Variants in ST6GALNAC1 observed in about 807,000 individuals in gnomAD.
ST6GALNAC1 encodes the protein ST6 N-acetylgalactosaminide alpha-2,6-sialyltransferase 1.
A neutral mutation model predicts 56.8 loss-of-function variants in ST6GALNAC1; 45 were observed. The observed-to-expected ratio is 0.79, with a 90% CI of 0.62 to 1.02. The LOEUF (loss-of-function observed/expected upper bound fraction) is 1.02. ST6GALNAC1 is among the 50% of genes least tolerant of loss of function. The pLI is 0.00. For synonymous variants in ST6GALNAC1, 295 were observed against 297.8 expected (o/e 0.99, Z 0.10); for missense variants, 743 against 754.8 (o/e 0.98, Z 0.18).
intron 1 of ST6GALNAC1, 83 bp from the exon 2 acceptor site, chr17:76,629,794 T>TG: frequency 8.7e-7 from 1 of 1,150,182 alleles, no homozygotes. Context: ...TTTTTTTTTT[T>TG]TTTTTTGAGA....
intron 1 of ST6GALNAC1, among the ~76,000 whole-genome samples, chr17:76,630,633 T>G (rs2075879734): frequency 6.6e-6 from 1 of 150,734 alleles, no homozygotes; most frequent in East Asian, 1.9e-4. Context: ...TCACCCAAGC[T>G]GGAGTGCAGT....
downstream of ST6GALNAC1, among the ~76,000 whole-genome samples, chr17:76,622,370 A>T (rs1170774440): frequency 6.6e-6 from 1 of 151,028 alleles, no homozygotes; most frequent in African/African-American, 2.4e-5. Flanking sequence ...TTTTATTATT[A>T]TTATTATTAT....
downstream of ST6GALNAC1, among the ~76,000 whole-genome samples, chr17:76,620,499 CT>C (rs1355693052): frequency 6.6e-6 from 1 of 152,110 alleles, no homozygotes; most frequent in Admixed American, 6.6e-5. Context: ...TATTCAATCT[CT>C]TATCCCTTCC....
At chr17:76,630,610 G>A (rs1318510312) in intron 1 of ST6GALNAC1, among the ~76,000 whole-genome samples, 1 of 148,826 alleles carries the variant, frequency 6.7e-6, no homozygotes, top group African/African-American at 2.5e-5. Context: ...TTTTGAGACG[G>A]AGTCTGGCTC....
rs1443530374 is a variant in ST6GALNAC1, at chr17:76,627,254, G to T, written c.1001-16C>A. On this transcript the variant is annotated splice_polypyrimidine_tract_variant and intron_variant, in intron 3 of 8. Coordinates refer to ENST00000156626, the MANE Select transcript of ST6GALNAC1 (RefSeq NM_018414.5). The surrounding 1 kb of genome is among the most constrained non-coding windows in gnomAD (Gnocchi z 4.4). ...TTCTGCACCACTGGAACAAGAGTGG[G>T]GGTGCTCCATTCAGAGCCCTGGGAG... 1 of 1,553,644 alleles carries T rather than the reference G, an allele frequency of 6.4e-7. No homozygotes were observed. Among genetic ancestry groups the T allele is most frequent in the South Asian group, 1.2e-5 (1 of 81,246 alleles).
intron 1 of ST6GALNAC1, among the ~76,000 whole-genome samples, chr17:76,634,496 A>G (rs76486886): frequency 3.5e-4 from 53 of 152,032 alleles, no homozygotes; most frequent in Non-Finnish European, 6.5e-4. Flanking sequence ...GGGCTATTCC[A>G]GCCTCCTTTT....
downstream of ST6GALNAC1, among the ~76,000 whole-genome samples, chr17:76,623,478 T>G (rs1002239399): frequency 6.6e-6 from 1 of 152,226 alleles, no homozygotes; most frequent in Non-Finnish European, 1.5e-5. Flanking sequence ...GAGTCATCTT[T>G]TCCAAGAACA....
chr17:76,621,054 G>A (rs1242115005), downstream of ST6GALNAC1, among the ~76,000 whole-genome samples: 5 of 152,082 alleles, frequency 3.3e-5, no homozygotes, highest in Non-Finnish European at 4.4e-5. Context: ...GCCAAGTCTT[G>A]GTCAATCTTA....
chr17:76,643,735 T>C lies in ST6GALNAC1; in HGVS notation c.-97A>G. 2 of 1,269,326 alleles carry C rather than the reference T, an allele frequency of 1.6e-6. No homozygotes were observed. Among genetic ancestry groups the C allele is most frequent in the East Asian group, 2.4e-5 (1 of 41,606 alleles). The allele number at this position is 1,269,326 out of a possible 1,614,324, so 78.6% of individuals were successfully genotyped here. A position where few individuals can be genotyped will look rare whatever the true frequency, so the allele number is the denominator to read the frequency against. ...CCGCTCAGGTTTCCTGGCCAGGAAG[T>C]GCACACCCTTTGTCTTAACAATGAG... On this transcript the variant is annotated 5_prime_UTR_variant, in exon 1 of 9. Coordinates refer to ENST00000156626, the MANE Select transcript of ST6GALNAC1 (RefSeq NM_018414.5).
rs565424318 is a variant in ST6GALNAC1, at chr17:76,638,740, C to T, written c.131+4768G>A. On this transcript the variant is annotated intron_variant, in intron 1 of 8. Coordinates refer to ENST00000156626, the MANE Select transcript of ST6GALNAC1 (RefSeq NM_018414.5). ...GGAATTACAGGCACCGGACCATGCC[C>T]GGCTAATTTTTGTATTTTTTAGGAG... 5.9e-5 allele frequency among the ~76,000 whole-genome samples: 9 copies of T among 152,134 alleles called. No individual in the cohort carries two copies. In the East Asian group the frequency reaches 7.7e-4, roughly 13 times the overall value.
At chr17:76,628,045 C>T (rs1025410974) in intron 2 of ST6GALNAC1, among the ~76,000 whole-genome samples, 7 of 148,630 alleles carry the variant, frequency 4.7e-5, no homozygotes, top group Non-Finnish European at 8.9e-5. Context: ...TGCAGTGAGC[C>T]GAGATTGCGC....
the ST6GALNAC1 span, among the ~76,000 whole-genome samples, chr17:76,619,750 T>G: frequency 6.8e-3 from 999 of 147,080 alleles, 23 homozygotes; most frequent in African/African-American, 0.024. Context: ...GTTTTTTTTT[T>G]TTTTTTTTTT....
At chr17:76,617,535 A>T in the ST6GALNAC1 span, among the ~76,000 whole-genome samples, 1 of 152,148 alleles carries the variant, frequency 6.6e-6, no homozygotes, top group African/African-American at 2.4e-5. Flanking sequence ...GGAAGGATGG[A>T]ATGGGGGTAA....
At chr17:76,639,672 CACACACACACACA>C (rs1342887463) in intron 1 of ST6GALNAC1, among the ~76,000 whole-genome samples, 8 of 149,872 alleles carry the variant, frequency 5.3e-5, no homozygotes, top group African/African-American at 1.5e-4. Flanking sequence ...CACACACACA[CACACACACACACA>C]CACACACACA....
In ST6GALNAC1 at chr17:76,627,141, G is replaced by A. The variant is rs775790966; in HGVS notation, c.1098C>T (p.Ala366=). ...PAGSLRCITC[A]VVGNGGILNN... ...TCAGGATGCCCCCGTTGCCCACCAC[G>A]GCACAGGTGATGCACCGGAGGCTCC... The change falls in exon 4 of 9, where the codon GCC becomes GCT. Residue 366 remains alanine (A), a synonymous_variant. Coordinates refer to ENST00000156626, the MANE Select transcript of ST6GALNAC1 (RefSeq NM_018414.5). The surrounding 1 kb of genome is among the most constrained non-coding windows in gnomAD (Gnocchi z 4.4). The A allele has an allele frequency of 4.0e-5, 65 of 1,606,208 alleles. 1 individual carries two copies. The highest frequency in any genetic ancestry group is 5.6e-5 in the South Asian group (5 of 89,942).
At chr17:76,636,819 C>T (rs373210510) in intron 1 of ST6GALNAC1, among the ~76,000 whole-genome samples, 1,967 of 152,026 alleles carry the variant, frequency 0.013, 40 homozygotes, top group African/African-American at 0.042. Flanking sequence ...GCGGTTTTGT[C>T]GAATAGAAAA....
At chr17:76,635,606 C>T (rs1053495327) in intron 1 of ST6GALNAC1, among the ~76,000 whole-genome samples, 2 of 152,210 alleles carry the variant, frequency 1.3e-5, no homozygotes, top group Non-Finnish European at 2.9e-5. Context: ...CACTGCACTC[C>T]AGTCTGGGCA....
chr17:76,643,274 A>G (rs116394829), intron 1 of ST6GALNAC1, among the ~76,000 whole-genome samples: 4,181 of 152,342 alleles, frequency 0.027, 193 homozygotes, highest in African/African-American at 0.095. Context: ...CGTGTCCCAC[A>G]GTATCTGGAC....
intron 1 of ST6GALNAC1, among the ~76,000 whole-genome samples, chr17:76,631,839 C>T (rs753402955): frequency 2.0e-5 from 3 of 152,122 alleles, no homozygotes; most frequent in Non-Finnish European, 2.9e-5. Context: ...AGGACACTTT[C>T]AAGAGAAAGA....
Sources: allele counts gnomAD v4.1 joint callset (sites outside exome capture counted in the v4.1 genomes callset), GRCh38; gene constraint gnomAD v4.1.1; non-coding constraint Gnocchi (gnomAD v3.1); transcripts MANE v1.5; gene names NCBI Gene and HGNC (gene_info 2026-07-23, HGNC 2026-07-21).